Variants in GPAT2 observed in about 807,000 individuals in gnomAD.
GPAT2 encodes the protein 1-acylglycerol-3-phosphate O-acyltransferase GPAT2.
Under a neutral mutation model 71.0 loss-of-function variants are expected in GPAT2, and 51 were observed. The observed-to-expected ratio is 0.72, with a 90% CI of 0.57 to 0.91. The LOEUF (loss-of-function observed/expected upper bound fraction) is 0.91, where lower values mean the gene tolerates loss of function less well. GPAT2 is among the 40% of genes least tolerant of loss of function. The pLI, the probability that GPAT2 is intolerant of heterozygous loss-of-function variation, is 0.00. For missense variants in GPAT2, 511 were observed against 666.0 expected, an observed-to-expected ratio of 0.77 and a Z score of 2.56; for synonymous variants, 222 against 290.3, an observed-to-expected ratio of 0.76 and a Z score of 2.39.
Position 96,024,697 on chromosome 2 carries a change from G to A in GPAT2, c.1429-12C>T, listed in dbSNP as rs186661249. The A allele has an allele frequency of 8.5e-4, 1,372 of 1,613,726 alleles. 1 individual carries two copies. Among genetic ancestry groups the A allele is most frequent in the Non-Finnish European group, 1.1e-3 (1,278 of 1,179,856 alleles). On this transcript the variant is annotated splice_polypyrimidine_tract_variant and intron_variant, in intron 14 of 21. Transcript: ENST00000434632. ...GACAGGAACACACCCTGGGTGGGCAGAGCAGGGCTAGGCAGCAGGGCCACA... is the reference window on the plus strand; with the variant it reads ...GACAGGAACACACCCTGGGTGGGCAAAGCAGGGCTAGGCAGCAGGGCCACA...
rs775017941 is a variant in GPAT2 at position 96,024,816 on chromosome 2, C to T, written c.1385G>A (p.Ser462Asn). 3 of 1,613,622 alleles carry T rather than the reference C, an allele frequency of 1.9e-6. No individual in the cohort carries two copies. The highest frequency in any genetic ancestry group is 2.5e-6 in the Non-Finnish European group (3 of 1,179,980). The change falls in exon 14 of 22, where the codon AGC becomes AAC. Residue 462 changes from serine to asparagine, a missense_variant. Ser to Asn is a conservative substitution (Grantham distance 46). Coordinates refer to ENST00000434632, the MANE Select transcript of GPAT2 (RefSeq NM_001321527.2). The part of the protein sequence containing the change: ...SASVGSSAVM[S>N]TAIMATLLLF... ...CAGCAGCGTTGCCATAATGGCCGTG[C>T]TCATCACCGCAGAGCTCCCTACACT...
At chr2:96,025,342 C>T in intron 13 of GPAT2, 143 bp downstream of exon 13, 1 of 1,128,750 alleles carries the variant, frequency 8.9e-7, no homozygotes, top group Non-Finnish European at 1.2e-6. Flanking sequence ...AGAAGGGTTC[C>T]ATTCTTCTTC....
chr2:96,024,594 A>G lies in GPAT2; in HGVS notation c.1520T>C (p.Leu507Pro), dbSNP rs1680154997. 1 of 1,613,804 alleles carries G rather than the reference A, an allele frequency of 6.2e-7. No homozygotes were observed. Among genetic ancestry groups the G allele is most frequent in the Non-Finnish European group, 8.5e-7 (1 of 1,179,894 alleles). Residue 507 changes from leucine to proline, a missense_variant, in exon 15 of 22, where the codon CTG (leucine) becomes CCG (proline). By Grantham distance (98) the Leu-to-Pro change is moderately conservative. This residue lies in a region of GPAT2 where 295 missense variants were observed against 305.5 expected (regional missense o/e 0.97). Coordinates refer to ENST00000434632, the MANE Select transcript of GPAT2 (RefSeq NM_001321527.2). ...RGFDVGFSGQ[L>P]RSLLQHSLSL... is the part of the protein sequence containing the mutation. ...CAGTGAGTGCTGCAGCAGGCTCCGC[A>G]GCTGCCCAGAGAAGCCTACATCAAA...
intron 1 of GPAT2, among the ~76,000 whole-genome samples, chr2:96,033,690 A>G (rs979488101): frequency 1.5e-5 from 1 of 67,260 alleles, no homozygotes; most frequent in African/African-American, 5.6e-5. Context: ...GCACTCTGTT[A>G]TCTTGAAAAT....
Position 96,024,594 on chromosome 2 carries a change from A to T in GPAT2, c.1520T>A (p.Leu507Gln). The change falls in exon 15 of 22, where the codon CTG (leucine) becomes CAG (glutamine). Residue 507 changes from leucine (L) to glutamine (Q), a missense_variant. Around this residue, in one of 7 missense-constraint regions of GPAT2, gnomAD observed 295 missense variants for 305.5 expected, o/e 0.97. Transcript: ENST00000434632. ...CAGTGAGTGCTGCAGCAGGCTCCGC[A>T]GCTGCCCAGAGAAGCCTACATCAAA... ...RGFDVGFSGQ[L>Q]RSLLQHSLSL... The T allele has an allele frequency of 1.9e-6, 3 of 1,613,804 alleles. No individual in the cohort carries two copies. Among genetic ancestry groups the T allele is most frequent in the Non-Finnish European group, 2.5e-6 (3 of 1,179,894 alleles).
At chr2:96,022,368 T>G in intron 21 of GPAT2, 93 bp from the exon 22 acceptor site, 3 of 1,396,410 alleles carry the variant, frequency 2.1e-6, no homozygotes, top group Non-Finnish European at 9.6e-7. Context: ...AAACCTGCCT[T>G]GAGACCTCTG....
In GPAT2 at chr2:96,026,290, C is replaced by G. The variant is rs1171812287; in HGVS notation, c.1048G>C (p.Gly350Arg). The G allele has an allele frequency of 6.4e-7, 1 of 1,554,606 alleles. No individual in the cohort carries two copies. Among genetic ancestry groups the G allele is most frequent in the Middle Eastern group, 2.2e-4 (1 of 4,644 alleles). Residue 350 changes from glycine (G) to arginine (R), a missense_variant, in exon 11 of 22, where the codon GGG (glycine) becomes CGG (arginine). Gly to Arg is a moderately radical substitution (Grantham distance 125). Transcript: ENST00000434632. The part of the protein sequence containing the change: ...CDIDHASAPL[G>R]LWTGALAVLR... ...ACAGCCAGAGCTCCTGTCCACAGCC[C>G]CAGGGGGGCCGAGGCCTGCAAGGAG...
Position 96,024,490 on chromosome 2 carries a change from G to A in GPAT2, c.1624C>T (p.Leu542Phe), listed in dbSNP as rs755488715. Residue 542 changes from leucine to phenylalanine, a missense_variant, in exon 15 of 22, where the codon CTC (leucine) becomes TTC (phenylalanine). By Grantham distance (22) the Leu-to-Phe change is conservative. Coordinates refer to ENST00000434632, the MANE Select transcript of GPAT2 (RefSeq NM_001321527.2). ...GCACTCAGTTGTGCCAGGTGTGTGAGGCCTGGGCCAGGCTGCGGCACCACC... is the reference window on the plus strand; with the variant it reads ...GCACTCAGTTGTGCCAGGTGTGTGAAGCCTGGGCCAGGCTGCGGCACCACC... ...LLVVPQPGPG[L>F]THLAQLSAEL... The A allele has an allele frequency of 3.1e-6, 5 of 1,613,878 alleles. No individual in the cohort carries two copies. The African/African-American group carries it at 5.3e-5, about 17-fold the overall frequency.
At position 96,024,415 on chromosome 2, in the gene GPAT2, C is replaced by A. The variant is rs1203361599; in HGVS notation, c.1687+12G>T. On this transcript the variant is annotated intron_variant, in intron 15 of 21. Transcript: ENST00000434632. ...CACACATCCCACCTACCCCGTGCAC[C>A]TCAAGACTCACCGCCCACAGCCTCG... 1.9e-6 allele frequency: 3 copies of A among 1,613,324 alleles called. No individual in the cohort carries two copies. The highest frequency in any genetic ancestry group is 2.5e-6 in the Non-Finnish European group (3 of 1,179,488).
intron 10 of GPAT2, 187 bp downstream of exon 10, chr2:96,026,510 C>T: frequency 3.0e-6 from 1 of 329,736 alleles, no homozygotes; most frequent in Non-Finnish European, 5.0e-6. Context: ...CTATCAAGGT[C>T]TTCAGAGGAT....
Position 96,025,983 on chromosome 2 carries a change from C to G in GPAT2, c.1185G>C (p.Trp395Cys), listed in dbSNP as rs202075211. 8 of 1,612,784 alleles carry G rather than the reference C, an allele frequency of 5.0e-6. No homozygotes were observed. The highest frequency in any genetic ancestry group is 6.8e-6 in the Non-Finnish European group (8 of 1,179,790). ...GCTGCTCCAGGGTCTGTCTGCCGCC[C>G]CAGCAGCTTCTGGCACTGACGATGT... ...QEYIVSARSC[W>C]GGRQTLEQLL... Residue 395 changes from tryptophan (W) to cysteine (C), a missense_variant, in exon 12 of 22, where the codon TGG becomes TGC. Physicochemically the swap from Trp to Cys is radical, Grantham distance 215. Transcript: ENST00000434632.
chr2:96,022,605 C>T (rs1459695722), intron 21 of GPAT2, 63 bp downstream of exon 21: 9 of 1,559,892 alleles, frequency 5.8e-6, no homozygotes, highest in Non-Finnish European at 8.0e-6. Context: ...GCTGGGTTTC[C>T]CTGAGCTACT....
At chr2:96,032,214 CA>C (rs1680750358) in intron 2 of GPAT2, 68 bp from the exon 3 acceptor site, 2 of 1,513,574 alleles carry the variant, frequency 1.3e-6, no homozygotes, top group African/African-American at 3.0e-5. Context: ...AAAGATGGAG[CA>C]ATGGAGGCTC....
chr2:96,023,914 C>G lies in GPAT2; in HGVS notation c.1914+9G>C. On this transcript the variant is annotated intron_variant, in intron 17 of 21. Transcript: ENST00000434632. Reference sequence around the variant, plus strand: ...AGGCAAGGATCTTGTCTCCAACTGCCCTGCCTACCTCCTCAGCAACCAGGA... The same window carrying G: ...AGGCAAGGATCTTGTCTCCAACTGCGCTGCCTACCTCCTCAGCAACCAGGA... 2.5e-6 allele frequency: 4 copies of G among 1,583,972 alleles called. No individual in the cohort carries two copies. The highest frequency in any genetic ancestry group is 3.4e-6 in the Non-Finnish European group (4 of 1,165,088).
intron 18 of GPAT2, 27 bp from the exon 19 acceptor site, chr2:96,023,253 C>G (rs1333467991): frequency 1.2e-6 from 2 of 1,612,828 alleles, no homozygotes; most frequent in Non-Finnish European, 1.7e-6. Context: ...GGGGTGAGTG[C>G]AGCTCCCCAC....
chr2:96,024,958 G>A (rs1292505248), intron 13 of GPAT2, 115 bp from the exon 14 acceptor site: 3 of 1,177,004 alleles, frequency 2.5e-6, no homozygotes, highest in Non-Finnish European at 3.8e-6. Flanking sequence ...CAGGGATGAG[G>A]AACGTACACC....
At chr2:96,022,789 T>C in intron 20 of GPAT2, 66 bp from the exon 21 acceptor site, 2 of 1,613,922 alleles carry the variant, frequency 1.2e-6, no homozygotes, top group Non-Finnish European at 1.7e-6. Flanking sequence ...CACAGGCTTC[T>C]CTCCTCTTGT....
At chr2:96,025,102 G>C (rs1350284681) in intron 13 of GPAT2, 1 of 597,820 alleles carries the variant, frequency 1.7e-6, no homozygotes, top group African/African-American at 1.9e-5. Flanking sequence ...GATACAGATG[G>C]ATCTCCCTAT....
In GPAT2 at chr2:96,022,399, T is replaced by C. The variant is rs189684082; in HGVS notation, c.2290-124A>G. 8 of 1,204,224 alleles carry C rather than the reference T, an allele frequency of 6.6e-6. No homozygotes were observed. The South Asian group carries it at 1.3e-4, about 19-fold the overall frequency. 74.6% of individuals were successfully genotyped at this position (1,204,224 alleles called of 1,614,324 possible). A position where few individuals can be genotyped will look rare whatever the true frequency, so the allele number is the denominator to read the frequency against. On this transcript the variant is annotated intron_variant, in intron 21 of 21. Coordinates refer to ENST00000434632, the MANE Select transcript of GPAT2 (RefSeq NM_001321527.2). ...CTCTGGCCCCTTAGACCTCAATGTT[T>C]GCGTGCAAATGCTGCCGCAAAGCAG... is the stretch of plus-strand genomic sequence containing the variant.
Sources: allele counts gnomAD v4.1 joint callset (sites outside exome capture counted in the v4.1 genomes callset), GRCh38; gene constraint gnomAD v4.1.1; regional missense constraint gnomAD v4.1.1; transcripts MANE v1.5; gene names NCBI Gene and HGNC (gene_info 2026-07-23, HGNC 2026-07-21).